The following PRPF3 variants were observed in gnomAD, a reference collection of about 807,000 sequenced individuals.
PRPF3 encodes pre-mRNA processing factor 3.
A neutral mutation model predicts 89.2 loss-of-function variants in PRPF3; 3 were observed. The observed-to-expected ratio is 0.03, with a 90% CI of 0.02 to 0.09. PRPF3 has a LOEUF of 0.09. Ranked by LOEUF, PRPF3 falls within the 10% of genes least tolerant of loss-of-function variation. The pLI is 1.00. For synonymous variants in PRPF3, 270 were observed against 289.1 expected, an observed-to-expected ratio of 0.93 and a Z score of 0.67; for missense variants, 463 against 828.8, an observed-to-expected ratio of 0.56 and a Z score of 5.42.
At chr1:150,328,810 C>T (rs1326590596) in intron 4 of PRPF3, among the ~76,000 whole-genome samples, 1 of 151,810 alleles carries the variant, frequency 6.6e-6, no homozygotes, top group African/African-American at 2.4e-5. Context: ...ACCTTGGCCT[C>T]TCAGAGTGCT....
chr1:150,331,949 G>T (rs1427565210), intron 4 of PRPF3, among the ~76,000 whole-genome samples: 4 of 152,038 alleles, frequency 2.6e-5, no homozygotes, highest in African/African-American at 9.7e-5. Flanking sequence ...TATAGGCTGG[G>T]TGCGGTGGCT....
At chr1:150,347,772 A>G (rs1032375879) in intron 14 of PRPF3, among the ~76,000 whole-genome samples, 2 of 152,068 alleles carry the variant, frequency 1.3e-5, no homozygotes, top group Non-Finnish European at 1.5e-5. Context: ...ACAGGACATC[A>G]TAACAGCCTA....
intron 15 of PRPF3, among the ~76,000 whole-genome samples, chr1:150,351,708 C>T (rs1369718567): frequency 4.6e-5 from 6 of 130,012 alleles, no homozygotes; most frequent in African/African-American, 1.7e-4. Flanking sequence ...ATGGATCTCA[C>T]TATGTTGCCT....
Position 150,340,344 on chromosome 1 carries a change from CTT to C in PRPF3, c.1203-53_1203-52del, listed in dbSNP as rs1553869942. On this transcript the variant is annotated intron_variant, in intron 8 of 15. Coordinates refer to ENST00000324862, the MANE Select transcript of PRPF3 (RefSeq NM_004698.4). ...TTCATTGTATTTCTGAGACTCCTCTCTTAGAATCATCTCTACCCGCATATCGT... is the reference window on the plus strand; with the variant it reads ...TTCATTGTATTTCTGAGACTCCTCTCAGAATCATCTCTACCCGCATATCGT... 7.5e-6 allele frequency: 10 copies of C among 1,325,874 alleles called. No individual in the cohort carries two copies. In the South Asian group the frequency reaches 9.4e-5, roughly 13 times the overall value. The allele number at this position is 1,325,874 out of a possible 1,614,324, so 82.1% of individuals were successfully genotyped here. A position where few individuals can be genotyped will look rare whatever the true frequency, so the allele number is the denominator to read the frequency against.
At chr1:150,345,880 C>T (rs1047304016) in intron 12 of PRPF3, 138 bp from the exon 13 acceptor site, 2 of 760,466 alleles carry the variant, frequency 2.6e-6, no homozygotes, top group Admixed American at 1.8e-5. Context: ...ACCTTTTAAG[C>T]ATTCATCTAT....
chr1:150,347,291 T>C (rs782194795), intron 14 of PRPF3, among the ~76,000 whole-genome samples: 3 of 151,282 alleles, frequency 2.0e-5, no homozygotes, highest in African/African-American at 7.3e-5. Flanking sequence ...CACACACACA[T>C]ACATACACAC....
chr1:150,342,102 C>A (rs1657806839), intron 9 of PRPF3, among the ~76,000 whole-genome samples: 1 of 151,956 alleles, frequency 6.6e-6, no homozygotes, highest in Non-Finnish European at 1.5e-5. Context: ...AGATAAGAGG[C>A]CAGGCGAGGT....
At chr1:150,322,223 G>T (rs936015065) in intron 1 of PRPF3, among the ~76,000 whole-genome samples, 3 of 152,118 alleles carry the variant, frequency 2.0e-5, no homozygotes, top group African/African-American at 7.2e-5. Flanking sequence ...TGGAATATAA[G>T]ACCCGTTAAG....
intron 4 of PRPF3, among the ~76,000 whole-genome samples, chr1:150,328,854 A>AT (rs1656011099): frequency 6.6e-6 from 1 of 151,374 alleles, no homozygotes; most frequent in South Asian, 2.1e-4. Flanking sequence ...CGCCCGGCTA[A>AT]TTTTTTGTAT....
chr1:150,325,093 T>C lies in PRPF3; in HGVS notation c.145+6T>C, dbSNP rs1363821930. The stretch of plus-strand genomic sequence containing the variant: ...GGACAAGAAGAAGGCAGCCGGTATG[T>C]ACCTTTCTGCATCTTTTATCTTAAC... On this transcript the variant is annotated splice_donor_region_variant and intron_variant, in intron 2 of 15. Coordinates refer to ENST00000324862, the MANE Select transcript of PRPF3 (RefSeq NM_004698.4). The C allele has an allele frequency of 3.1e-6, 5 of 1,612,334 alleles. No individual in the cohort carries two copies. Among genetic ancestry groups the C allele is most frequent in the Non-Finnish European group, 4.2e-6 (5 of 1,178,914 alleles).
intron 6 of PRPF3, 83 bp from the exon 7 acceptor site, chr1:150,334,852 A>G: frequency 2.0e-6 from 3 of 1,518,154 alleles, no homozygotes; most frequent in Non-Finnish European, 2.7e-6. Flanking sequence ...TCCAGGCTTG[A>G]GCCACCACGC....
intron 15 of PRPF3, among the ~76,000 whole-genome samples, chr1:150,352,539 C>T (rs1553874605): frequency 2.0e-5 from 3 of 152,138 alleles, no homozygotes; most frequent in Non-Finnish European, 4.4e-5. Context: ...GTAGCGGGCG[C>T]CTGTAGTCCC....
rs2102036234 is a variant in PRPF3, at chr1:150,352,918, A to G, written c.1991A>G (p.His664Arg). 2.5e-6 allele frequency: 4 copies of G among 1,614,202 alleles called. No individual in the cohort carries two copies. The highest frequency in any genetic ancestry group is 3.4e-6 in the Non-Finnish European group (4 of 1,180,032). The change falls in exon 16 of 16, where the codon CAT becomes CGT. Residue 664 changes from histidine to arginine, a missense_variant. By Grantham distance (29) the His-to-Arg change is conservative. Transcript: ENST00000324862. ...ATGGCTCGTGAGCATTTCAAAAAGC[A>G]TGGGGCTGAACACTACTGGGACCTT... ...ENMAREHFKK[H>R]GAEHYWDLAL...
At chr1:150,337,070 G>T (rs928779401) in intron 7 of PRPF3, among the ~76,000 whole-genome samples, 1 of 119,518 alleles carries the variant, frequency 8.4e-6, no homozygotes, top group South Asian at 2.6e-4. Context: ...ACGGAGTCTC[G>T]CTCTGTCACC....
Position 150,353,005 on chromosome 1 carries a change from T to C in PRPF3, c.*26T>C, listed in dbSNP as rs2102036497. ...GACTACTGCAAGCCCTTGCCTCTCC[T>C]CCCTTGCCTTTGTCTCTTCAGTCCT... On this transcript the variant is annotated 3_prime_UTR_variant, in exon 16 of 16. Transcript: ENST00000324862. The C allele has an allele frequency of 6.2e-7, 1 of 1,613,662 alleles. No homozygotes were observed.
chr1:150,339,852 T>A (rs587753660), intron 8 of PRPF3, among the ~76,000 whole-genome samples: 1 of 150,292 alleles, frequency 6.7e-6, no homozygotes, highest in East Asian at 2.0e-4. Flanking sequence ...GCCTCATAAG[T>A]ATCCGGGACT....
chr1:150,350,633 T>C (rs782663025), intron 15 of PRPF3, among the ~76,000 whole-genome samples: 3 of 152,218 alleles, frequency 2.0e-5, no homozygotes, highest in Non-Finnish European at 2.9e-5. Flanking sequence ...TAAATGTTTA[T>C]TAAGATTAGA....
chr1:150,348,458 GCA>G lies in PRPF3; in HGVS notation c.1844-698_1844-697del, dbSNP rs1553873580. Among the ~76,000 whole-genome samples, 29 of 21,656 alleles carry G rather than the reference GCA, an allele frequency of 1.3e-3. 2 individuals carry two copies. The highest frequency in any genetic ancestry group is 4.6e-3 in the African/African-American group (14 of 3,064). 14.2% of individuals were successfully genotyped at this position (21,656 alleles called of 152,430 possible). A position where few individuals can be genotyped will look rare whatever the true frequency, so the allele number is the denominator to read the frequency against. On this transcript the variant is annotated intron_variant, in intron 14 of 15. Coordinates refer to ENST00000324862, the MANE Select transcript of PRPF3 (RefSeq NM_004698.4). ...ATAAAAAATATTTTGTTCTACACGT[GCA>G]TTTTTTTTTTTTTTTTTTTGAGATG...
intron 15 of PRPF3, among the ~76,000 whole-genome samples, chr1:150,349,748 T>A (rs1437406858): frequency 6.6e-6 from 1 of 152,198 alleles, no homozygotes; most frequent in African/African-American, 2.4e-5. Context: ...TGTGACTGAA[T>A]CACTCTTCAA....
Sources: allele counts gnomAD v4.1 joint callset (sites outside exome capture counted in the v4.1 genomes callset), GRCh38; gene constraint gnomAD v4.1.1; transcripts MANE v1.5; gene names NCBI Gene and HGNC (gene_info 2026-07-23, HGNC 2026-07-21).